CCDC148: variants seen among roughly 807,000 people sequenced by gnomAD.
The protein encoded by CCDC148 is coiled-coil domain-containing protein 148.
A neutral mutation model predicts 85.7 loss-of-function variants in CCDC148; 89 were observed. That is an observed-to-expected ratio of 1.04 (90% CI 0.87 to 1.24). The LOEUF is 1.24. Among genes scored for constraint, CCDC148 ranks in the 50% most tolerant of loss-of-function variants. CCDC148 has a pLI of 0.00. For synonymous variants in CCDC148, 230 were observed against 213.9 expected (o/e 1.08, Z -0.66); for missense variants, 692 against 671.7 (o/e 1.03, Z -0.33).
intron 7 of CCDC148, among the ~76,000 whole-genome samples, chr2:158,330,477 G>C (rs1483138265): frequency 6.6e-6 from 1 of 151,276 alleles, no homozygotes; most frequent in Non-Finnish European, 1.5e-5. Context: ...TTCTTTTTTT[G>C]TTGTGTCTCT....
chr2:158,371,047 G>A (rs555322911), intron 1 of CCDC148, among the ~76,000 whole-genome samples: 1 of 151,824 alleles, frequency 6.6e-6, no homozygotes, highest in Non-Finnish European at 1.5e-5. Flanking sequence ...ATAGGAAGAA[G>A]AAAAACACAG....
chr2:158,228,526 G>T (rs899371442), intron 10 of CCDC148, among the ~76,000 whole-genome samples: 4 of 152,082 alleles, frequency 2.6e-5, no homozygotes, highest in African/African-American at 7.2e-5. Flanking sequence ...TATTGCGGCA[G>T]TATTCACAAT....
chr2:158,443,511 A>AG (rs1574831330), intron 1 of CCDC148, among the ~76,000 whole-genome samples: 10 of 113,088 alleles, frequency 8.8e-5, no homozygotes, highest in Admixed American at 9.5e-5. Flanking sequence ...CAAAAAAAAA[A>AG]AAAAAAAAAA....
At chr2:158,201,337 G>A (rs2105282620) in intron 11 of CCDC148, among the ~76,000 whole-genome samples, 1 of 152,086 alleles carries the variant, frequency 6.6e-6, no homozygotes, top group Admixed American at 6.6e-5. Context: ...GTGAAGTTTA[G>A]GATTTCGTTC....
intron 9 of CCDC148, among the ~76,000 whole-genome samples, chr2:158,305,366 AGACTG>A (rs1691635601): frequency 6.6e-6 from 1 of 152,208 alleles, no homozygotes; most frequent in Non-Finnish European, 1.5e-5. Context: ...GCCCTGCCTG[AGACTG>A]AGGTTGAACC....
Position 158,222,890 on chromosome 2 carries a change from G to A in CCDC148, c.1252-2177C>T, listed in dbSNP as rs60310308. 2.7e-3 allele frequency among the ~76,000 whole-genome samples: 404 copies of A among 152,286 alleles called. 3 individuals are homozygous for A. Among genetic ancestry groups the A allele is most frequent in the African/African-American group, 9.4e-3 (391 of 41,556 alleles). On this transcript the variant is annotated intron_variant, in intron 10 of 13. Coordinates refer to ENST00000283233, the MANE Select transcript of CCDC148 (RefSeq NM_138803.4). Reference sequence around the variant, plus strand: ...CTCCAGTCTACAGCTCCCAGGGTGAGCGAGGCAGAAGACGGGTGATTTCTG... The same window carrying A: ...CTCCAGTCTACAGCTCCCAGGGTGAACGAGGCAGAAGACGGGTGATTTCTG...
intron 1 of CCDC148, among the ~76,000 whole-genome samples, chr2:158,415,136 T>TA (rs11284036): frequency 0.05 from 7,180 of 144,536 alleles, 275 homozygotes; most frequent in African/African-American, 0.11. Context: ...AGTAATTCAT[T>TA]AAAAAAAAAA....
chr2:158,177,830 A>G (rs765522436), intron 12 of CCDC148, among the ~76,000 whole-genome samples: 2 of 152,134 alleles, frequency 1.3e-5, no homozygotes, highest in African/African-American at 2.4e-5. Context: ...TTGAATCAGT[A>G]TAACATTTAC....
At chr2:158,187,563 T>G (rs1685213332) in intron 11 of CCDC148, among the ~76,000 whole-genome samples, 1 of 152,038 alleles carries the variant, frequency 6.6e-6, no homozygotes, top group Non-Finnish European at 1.5e-5. Flanking sequence ...CTTTCCCCAA[T>G]AACACCAGTG....
intron 9 of CCDC148, among the ~76,000 whole-genome samples, chr2:158,308,357 G>A (rs1041399458): frequency 6.6e-6 from 1 of 152,206 alleles, no homozygotes; most frequent in Admixed American, 6.5e-5. Context: ...TTATCAGCCT[G>A]AAGATGGAGA....
Position 158,441,348 on chromosome 2 carries a change from T to C in CCDC148, c.25+15067A>G, listed in dbSNP as rs576748139. 7.9e-5 allele frequency among the ~76,000 whole-genome samples: 12 copies of C among 152,260 alleles called. No individual in the cohort carries two copies. The East Asian group carries it at 2.1e-3, about 27-fold the overall frequency. ...AACCCTAAATGAAAAATATGCAAGA[T>C]AGAAAATCAAGATTTCTGAATGAAT... is the stretch of plus-strand genomic sequence containing the variant. On this transcript the variant is annotated intron_variant, in intron 1 of 13. Transcript: ENST00000283233.
intron 10 of CCDC148, among the ~76,000 whole-genome samples, chr2:158,240,460 A>T (rs866843971): frequency 3.3e-4 from 48 of 145,090 alleles, no homozygotes; most frequent in South Asian, 9.1e-4. Flanking sequence ...TCTCACACAC[A>T]CACACACACA....
At chr2:158,283,656 G>A (rs945935577) in intron 9 of CCDC148, among the ~76,000 whole-genome samples, 5 of 151,968 alleles carry the variant, frequency 3.3e-5, no homozygotes, top group Non-Finnish European at 5.9e-5. Context: ...GGAGAAATAG[G>A]AACACTTTTA....
intron 1 of CCDC148, among the ~76,000 whole-genome samples, chr2:158,375,814 C>T (rs536048133): frequency 3.3e-5 from 5 of 152,182 alleles, no homozygotes; most frequent in East Asian, 1.9e-4. Context: ...GAAATGCGGA[C>T]GTAAAGCTAG....
chr2:158,305,653 T>A (rs1037158563), intron 9 of CCDC148, among the ~76,000 whole-genome samples: 1 of 149,704 alleles, frequency 6.7e-6, no homozygotes, highest in Non-Finnish European at 1.5e-5. Flanking sequence ...ATTTGGAAGA[T>A]GGAGGCAGGA....
At chr2:158,256,702 C>G (rs1481629205) in intron 9 of CCDC148, among the ~76,000 whole-genome samples, 1 of 151,666 alleles carries the variant, frequency 6.6e-6, no homozygotes, top group Non-Finnish European at 1.5e-5. Context: ...TGATGTAATC[C>G]TTGAAACAAG....
intron 7 of CCDC148, among the ~76,000 whole-genome samples, chr2:158,333,159 G>T (rs539052946): frequency 2.0e-5 from 3 of 152,208 alleles, no homozygotes; most frequent in African/African-American, 7.2e-5. Flanking sequence ...TGGGCATTTA[G>T]TGCTATAAAT....
intron 7 of CCDC148, among the ~76,000 whole-genome samples, chr2:158,335,504 A>T (rs1682330464): frequency 1.3e-5 from 2 of 152,140 alleles, no homozygotes; most frequent in South Asian, 2.1e-4. Flanking sequence ...ACAGTTCCAC[A>T]TGGCTGGGGA....
At chr2:158,351,579 C>T (rs572659743) in intron 2 of CCDC148, among the ~76,000 whole-genome samples, 74 of 152,340 alleles carry the variant, frequency 4.9e-4, no homozygotes, top group African/African-American at 1.6e-3. Flanking sequence ...GGTCCTATGC[C>T]CACGGAGTCT....
Sources: allele counts gnomAD v4.1 joint callset (sites outside exome capture counted in the v4.1 genomes callset), GRCh38; gene constraint gnomAD v4.1.1; transcripts MANE v1.5; gene names NCBI Gene and HGNC (gene_info 2026-07-23, HGNC 2026-07-21).